STIM2: variants seen among roughly 807,000 people sequenced by gnomAD.
STIM2 encodes stromal interaction molecule 2.
In STIM2, 31 loss-of-function variants were observed where a neutral mutation model predicts 85.8. The ratio of observed to expected loss-of-function variants is 0.36; its 90% CI spans 0.27 to 0.49. STIM2 has a LOEUF of 0.49. Ranked by LOEUF, STIM2 falls within the 20% of genes least tolerant of loss-of-function variation. The probability of loss-of-function intolerance (pLI) is 0.98; values close to 1 mark genes in which losing one functional copy is unlikely to be tolerated. For synonymous variants in STIM2, 356 were observed against 331.1 expected (o/e 1.08, Z -0.82); for missense variants, 841 against 927.6 (o/e 0.91, Z 1.21).
intron 3 of STIM2, among the ~76,000 whole-genome samples, chr4:26,991,719 T>A (rs1327048730): frequency 6.6e-6 from 1 of 151,990 alleles, no homozygotes; most frequent in Non-Finnish European, 1.5e-5. Context: ...AAAAAGAGAA[T>A]CTGAGCTGTA....
At chr4:26,994,604 A>T (rs1276064072) in intron 3 of STIM2, among the ~76,000 whole-genome samples, 2 of 152,136 alleles carry the variant, frequency 1.3e-5, no homozygotes, top group African/African-American at 2.4e-5. Context: ...ATTCTAAAAA[A>T]AGATTATTCC....
At chr4:26,901,980 G>A (rs896130546) in intron 1 of STIM2, among the ~76,000 whole-genome samples, 16 of 152,190 alleles carry the variant, frequency 1.1e-4, no homozygotes, top group Non-Finnish European at 1.5e-4. Flanking sequence ...TTTATAGAGT[G>A]AATCAATGGC....
chr4:26,927,814 C>G (rs1725024810), intron 2 of STIM2, among the ~76,000 whole-genome samples: 2 of 130,690 alleles, frequency 1.5e-5, no homozygotes, highest in African/African-American at 5.6e-5. Flanking sequence ...ATTATAAAAT[C>G]TATTAAAAAT....
chr4:26,892,599 A>G lies in STIM2; in HGVS notation c.152-26905A>G, dbSNP rs138546963. 1.6e-3 allele frequency among the ~76,000 whole-genome samples: 238 copies of G among 152,298 alleles called. 1 individual carries two copies. The highest frequency in any genetic ancestry group is 5.5e-3 in the African/African-American group (230 of 41,558). ...TCTTACTCATTTCTTACCTTCTGAC[A>G]TGCATATGTTTTACCAATAAGCTTA... On this transcript the variant is annotated intron_variant, in intron 1 of 11. Transcript: ENST00000467087.
chr4:26,962,586 G>A (rs1025176182), intron 3 of STIM2, among the ~76,000 whole-genome samples: 15 of 134,476 alleles, frequency 1.1e-4, no homozygotes, highest in Non-Finnish European at 2.3e-4. Context: ...GTGTGTGTGT[G>A]TGTGTGTGTG....
intron 2 of STIM2, among the ~76,000 whole-genome samples, chr4:26,928,233 A>G (rs1725058078): frequency 6.6e-6 from 1 of 152,168 alleles, no homozygotes; most frequent in African/African-American, 2.4e-5. Context: ...CTTACTTCCT[A>G]ACACTGCCAC....
At chr4:26,954,626 A>T (rs945088719) in intron 2 of STIM2, among the ~76,000 whole-genome samples, 1 of 148,404 alleles carries the variant, frequency 6.7e-6, no homozygotes, top group African/African-American at 2.6e-5. Context: ...TGCTAAAATG[A>T]GGAGGGGTTT....
chr4:26,983,876 G>C (rs908817801), intron 3 of STIM2, among the ~76,000 whole-genome samples: 4 of 152,148 alleles, frequency 2.6e-5, no homozygotes. Flanking sequence ...TGTGCAGTCA[G>C]TAAATATTTG....
chr4:26,965,387 C>A (rs1226859936), intron 3 of STIM2, among the ~76,000 whole-genome samples: 1 of 152,116 alleles, frequency 6.6e-6, no homozygotes, highest in South Asian at 2.1e-4. Flanking sequence ...ACAAATTTGG[C>A]AAACATTGTT....
intron 1 of STIM2, among the ~76,000 whole-genome samples, chr4:26,871,565 T>G (rs1252900335): frequency 6.6e-6 from 1 of 152,246 alleles, no homozygotes; most frequent in Non-Finnish European, 1.5e-5. Flanking sequence ...TTTGTTCAGT[T>G]TGACTCGGCT....
At chr4:26,976,959 G>A (rs903855442) in intron 3 of STIM2, among the ~76,000 whole-genome samples, 3 of 152,174 alleles carry the variant, frequency 2.0e-5, no homozygotes, top group African/African-American at 7.2e-5. Flanking sequence ...TATGTGTGTA[G>A]CTACATATAC....
chr4:27,017,032 G>T (rs1728754312), intron 10 of STIM2, among the ~76,000 whole-genome samples: 1 of 152,172 alleles, frequency 6.6e-6, no homozygotes, highest in African/African-American at 2.4e-5. Context: ...GTTGTTATTA[G>T]GTGAGTTATG....
chr4:26,899,150 T>C (rs7691908), intron 1 of STIM2, among the ~76,000 whole-genome samples: 27,768 of 151,946 alleles, frequency 0.18, 2,792 homozygotes, highest in Admixed American at 0.25. Context: ...AGCATTAATG[T>C]TTAATTTTAT....
At chr4:26,905,546 T>A (rs534498413) in intron 1 of STIM2, among the ~76,000 whole-genome samples, 1 of 152,348 alleles carries the variant, frequency 6.6e-6, no homozygotes, top group East Asian at 1.9e-4. Context: ...AGAAAGAGTG[T>A]TTGACCTGAG....
intron 3 of STIM2, among the ~76,000 whole-genome samples, chr4:26,988,188 G>GT (rs1727647451): frequency 6.6e-6 from 1 of 152,194 alleles, no homozygotes; most frequent in South Asian, 2.1e-4. Flanking sequence ...AAAATAACAA[G>GT]TTCCTGCCCT....
chr4:26,952,908 C>G (rs931546529), intron 2 of STIM2, among the ~76,000 whole-genome samples: 1 of 151,996 alleles, frequency 6.6e-6, no homozygotes, highest in African/African-American at 2.4e-5. Flanking sequence ...CTCTCTTAGC[C>G]TTAGTTTTTT....
chr4:26,882,943 T>G (rs1420106837), intron 1 of STIM2, among the ~76,000 whole-genome samples: 1 of 151,892 alleles, frequency 6.6e-6, no homozygotes, highest in African/African-American at 2.4e-5. Flanking sequence ...GTTCAAGTGA[T>G]TCTCATGCCT....
chr4:26,897,442 C>T (rs1033580947), intron 1 of STIM2, among the ~76,000 whole-genome samples: 1 of 152,186 alleles, frequency 6.6e-6, no homozygotes, highest in African/African-American at 2.4e-5. Context: ...ATGTCTTTCA[C>T]TGCTTTTCTA....
chr4:26,956,653 T>C (rs1726254440), intron 2 of STIM2, among the ~76,000 whole-genome samples: 1 of 152,078 alleles, frequency 6.6e-6, no homozygotes, highest in African/African-American at 2.4e-5. Context: ...CATAATCAAA[T>C]GTCTTTGAAT....
Sources: gnomAD v4.1 joint callset for allele counts (sites outside exome capture counted in the v4.1 genomes callset) on GRCh38, gnomAD v4.1.1 for gene constraint, MANE v1.5 for transcripts, NCBI Gene and HGNC (gene_info 2026-07-23, HGNC 2026-07-21) for gene names.